EFHD2: variants seen among roughly 807,000 people sequenced by gnomAD.
EFHD2 encodes the protein EF-hand domain family member D2.
A neutral mutation model predicts 20.3 loss-of-function variants in EFHD2; 12 were observed. The observed-to-expected ratio is 0.59, with a 90% CI of 0.38 to 0.96. EFHD2 has a LOEUF of 0.96. Among genes scored for constraint, EFHD2 ranks in the 40% least tolerant of loss-of-function variants. EFHD2 has a pLI of 0.00. For synonymous variants in EFHD2, 131 were observed against 143.9 expected, an observed-to-expected ratio of 0.91 and a Z score of 0.64; for missense variants, 250 against 334.3, an observed-to-expected ratio of 0.75 and a Z score of 1.97.
Position 15,425,479 on chromosome 1 carries a change from T to C in EFHD2, c.309-392T>C, listed in dbSNP as rs56751809. Among the ~76,000 whole-genome samples, 22 of 151,618 alleles carry C rather than the reference T, an allele frequency of 1.5e-4. No individual in the cohort carries two copies. The East Asian group carries it at 4.3e-3, about 29-fold the overall frequency. ...GGCGGAGGCTGCAGCGAGCCGAGAT[T>C]GAGCCACTGCACTCGAGCCTGGGCA... is the stretch of plus-strand genomic sequence containing the variant. On this transcript the variant is annotated intron_variant, in intron 1 of 3. Transcript: ENST00000375980.
chr1:15,410,312 C>T (rs878937087), intron 1 of EFHD2, 33 bp downstream of exon 1: 1 of 1,546,442 alleles, frequency 6.5e-7, no homozygotes, highest in South Asian at 1.2e-5. Flanking sequence ...CCCCCGCCCG[C>T]CCCGCGACCC....
intron 1 of EFHD2, among the ~76,000 whole-genome samples, chr1:15,419,566 A>G (rs1053197890): frequency 9.9e-5 from 15 of 152,216 alleles, no homozygotes; most frequent in African/African-American, 3.4e-4. Context: ...AGCTGTTGGA[A>G]TCCTGCAGTC....
In EFHD2 at chr1:15,427,594, G is replaced by A. The variant is rs149459898; in HGVS notation, c.591+310G>A. On this transcript the variant is annotated intron_variant, in intron 3 of 3. Coordinates refer to ENST00000375980, the MANE Select transcript of EFHD2 (RefSeq NM_024329.6). ...ACACAGAGGACTGGGCCTTAGGAGG[G>A]CAGGCCCAGAAACACAGCACTGGCT... 1.9e-4 allele frequency among the ~76,000 whole-genome samples: 29 copies of A among 152,316 alleles called. No homozygotes were observed. The East Asian group carries it at 5.6e-3, about 29-fold the overall frequency.
At chr1:15,414,107 G>A (rs745497825) in intron 1 of EFHD2, among the ~76,000 whole-genome samples, 2 of 152,220 alleles carry the variant, frequency 1.3e-5, no homozygotes, top group Non-Finnish European at 2.9e-5. Context: ...GTAGGCAGCC[G>A]TGTAATTCTG....
chr1:15,411,066 G>T (rs1177105406), intron 1 of EFHD2, among the ~76,000 whole-genome samples: 1 of 151,766 alleles, frequency 6.6e-6, no homozygotes, highest in African/African-American at 2.4e-5. Context: ...TCGTCCCTGT[G>T]GGCCGAGTCC....
chr1:15,412,006 C>T (rs1707534587), intron 1 of EFHD2, among the ~76,000 whole-genome samples: 2 of 152,078 alleles, frequency 1.3e-5, no homozygotes, highest in Non-Finnish European at 1.5e-5. Context: ...TCCCAAGGTC[C>T]TTCTGGGGGA....
chr1:15,418,857 G>A (rs545417124), intron 1 of EFHD2, among the ~76,000 whole-genome samples: 8 of 151,578 alleles, frequency 5.3e-5, no homozygotes, highest in Non-Finnish European at 1.2e-4. Context: ...AGAGCCCAGC[G>A]ACACCCTTGT....
intron 1 of EFHD2, among the ~76,000 whole-genome samples, chr1:15,414,284 T>G (rs1240933810): frequency 1.3e-5 from 2 of 152,138 alleles, no homozygotes; most frequent in Non-Finnish European, 2.9e-5. Context: ...CTGCACAAGC[T>G]CTGGAAGCCT....
At chr1:15,419,351 C>T (rs961185811) in intron 1 of EFHD2, among the ~76,000 whole-genome samples, 21 of 152,228 alleles carry the variant, frequency 1.4e-4, no homozygotes, top group African/African-American at 4.6e-4. Flanking sequence ...GTGCCAGGCC[C>T]CGCAGCCTCC....
chr1:15,424,223 G>A (rs1707837373), intron 1 of EFHD2, among the ~76,000 whole-genome samples: 1 of 151,888 alleles, frequency 6.6e-6, no homozygotes, highest in African/African-American at 2.4e-5. Context: ...CCAACTCTGG[G>A]ATCACTCTCC....
In EFHD2 at chr1:15,422,062, G is replaced by T. The variant is rs182380728; in HGVS notation, c.309-3809G>T. 3.6e-3 allele frequency among the ~76,000 whole-genome samples: 545 copies of T among 151,360 alleles called. 5 individuals carry two copies. Among genetic ancestry groups the T allele is most frequent in the African/African-American group, 0.012 (482 of 41,110 alleles). ...CAGGGTTCTCAGCCTCAGCTCCACT[G>T]GCACTTGGGGCCAGGTCATTCCATT... On this transcript the variant is annotated intron_variant, in intron 1 of 3. Coordinates refer to ENST00000375980, the MANE Select transcript of EFHD2 (RefSeq NM_024329.6).
chr1:15,418,506 C>T lies in EFHD2; in HGVS notation c.309-7365C>T, dbSNP rs569625776. 5.1e-3 allele frequency among the ~76,000 whole-genome samples: 764 copies of T among 150,926 alleles called. 3 individuals carry two copies. The highest frequency in any genetic ancestry group is 0.014 in the Middle Eastern group (4 of 284). On this transcript the variant is annotated intron_variant, in intron 1 of 3. Coordinates refer to ENST00000375980, the MANE Select transcript of EFHD2 (RefSeq NM_024329.6). Reference sequence around the variant, plus strand: ...ATTTTTAGTAGAGACGGGGTTTCACCGTGTTAGCCAGGATGGTCTCAATCT... The same window carrying T: ...ATTTTTAGTAGAGACGGGGTTTCACTGTGTTAGCCAGGATGGTCTCAATCT...
chr1:15,428,605 A>G lies in EFHD2; in HGVS notation c.604A>G (p.Asn202Asp). 6.2e-7 allele frequency: 1 copy of G among 1,611,018 alleles called. No individual in the cohort carries two copies. The highest frequency in any genetic ancestry group is 8.5e-7 in the Non-Finnish European group (1 of 1,178,972). The change falls in exon 4 of 4, where the codon AAC becomes GAC. Residue 202 changes from asparagine to aspartate, a missense_variant. Transcript: ENST00000375980. The stretch of plus-strand genomic sequence containing the variant: ...CATGCCCCCGCAGGTCCAGGCCATC[A>G]ACGTGTCCAGCCGCTTCGAGGAGGA... The part of the protein sequence containing the change: ...SFFEAKVQAI[N>D]VSSRFEEEIK...
rs188598962 is a variant in EFHD2 at position 15,416,580 on chromosome 1, C to A, written c.308+6301C>A. On this transcript the variant is annotated intron_variant, in intron 1 of 3. Coordinates refer to ENST00000375980, the MANE Select transcript of EFHD2 (RefSeq NM_024329.6). ...CGTTCAGTCCTTTCTTATCCTGCAA[C>A]ATTATCCTCGCCCATTTCACAGTTA... 7.9e-5 allele frequency among the ~76,000 whole-genome samples: 12 copies of A among 152,326 alleles called. No homozygotes were observed. The East Asian group carries it at 2.1e-3, about 27-fold the overall frequency.
chr1:15,418,600 C>G (rs764452140), intron 1 of EFHD2, among the ~76,000 whole-genome samples: 13 of 151,606 alleles, frequency 8.6e-5, no homozygotes, highest in Non-Finnish European at 1.5e-4. Context: ...CCACGGCACC[C>G]GGCCGCAACT....
rs1272944076 is a variant in EFHD2 at position 15,425,821 on chromosome 1, CCT to C, written c.309-45_309-44del. 9 of 1,581,122 alleles carry C rather than the reference CCT, an allele frequency of 5.7e-6. No homozygotes were observed. In the African/African-American group the frequency reaches 1.1e-4, roughly 19 times the overall value. ...AGTCTCCTTGCACTCAAGCCTGCGG[CCT>C]CTCTGACTGAGCCAGTGCCAAGATG... On this transcript the variant is annotated intron_variant, in intron 1 of 3. Coordinates refer to ENST00000375980, the MANE Select transcript of EFHD2 (RefSeq NM_024329.6).
intron 1 of EFHD2, 90 bp downstream of exon 1, chr1:15,410,369 G>A (rs1221851180): frequency 5.7e-6 from 8 of 1,394,896 alleles, no homozygotes; most frequent in East Asian, 3.2e-5. Context: ...GCTCCGCCCC[G>A]GGAGCCTGCC....
rs1285899226 is a variant in EFHD2, at chr1:15,413,272, G to C, written c.308+2993G>C. On this transcript the variant is annotated intron_variant, in intron 1 of 3. Transcript: ENST00000375980. The surrounding 1 kb of genome is among the most constrained non-coding windows in gnomAD (Gnocchi z 4.4). The stretch of plus-strand genomic sequence containing the variant: ...TAGAGCAGGAGGCAGGAGACCATGA[G>C]GTCAGCAGGAGAATGGGAGCCAGCC... Among the ~76,000 whole-genome samples, 1 of 152,150 alleles carries C rather than the reference G, an allele frequency of 6.6e-6. No homozygotes were observed. Among genetic ancestry groups the C allele is most frequent in the African/African-American group, 2.4e-5 (1 of 41,422 alleles).
At position 15,425,953 on chromosome 1, in the gene EFHD2, C is replaced by T. The variant is rs1364597013; in HGVS notation, c.391C>T (p.Leu131=). 6.2e-7 allele frequency: 1 copy of T among 1,601,124 alleles called. No individual in the cohort carries two copies. The highest frequency in any genetic ancestry group is 1.8e-5 in the Admixed American group (1 of 56,884). The change falls in exon 2 of 4, where the codon CTG becomes TTG. Residue 131 remains leucine, a synonymous_variant. Coordinates refer to ENST00000375980, the MANE Select transcript of EFHD2 (RefSeq NM_024329.6). Reference sequence around the variant, plus strand: ...GAAACTTGGGGCCCCTCAGACCCACCTGGGCCTGAAAAACATGATCAAGGA... The same window carrying T: ...GAAACTTGGGGCCCCTCAGACCCACTTGGGCCTGAAAAACATGATCAAGGA... ...MEKLGAPQTH[L]GLKNMIKEVD...
Sources: gnomAD v4.1 joint callset for allele counts (sites outside exome capture counted in the v4.1 genomes callset) on GRCh38, gnomAD v4.1.1 for gene constraint, Gnocchi (gnomAD v3.1) non-coding constraint, MANE v1.5 for transcripts, NCBI Gene and HGNC (gene_info 2026-07-23, HGNC 2026-07-21) for gene names.